The following IL1RAPL2 variants were observed in gnomAD, a reference collection of about 807,000 sequenced individuals.
The protein encoded by IL1RAPL2 is interleukin 1 receptor accessory protein like 2, also known as X-linked interleukin-1 receptor accessory protein-like 2.
Under a neutral mutation model 44.1 loss-of-function variants are expected in IL1RAPL2, and 3 were observed. The observed-to-expected ratio is 0.07, with a 90% confidence interval of 0.03 to 0.18. IL1RAPL2 has a LOEUF of 0.18. IL1RAPL2 is among the 10% of genes least tolerant of loss of function. The probability of loss-of-function intolerance (pLI) is 1.00; values close to 1 mark genes in which losing one functional copy is unlikely to be tolerated. For missense variants in IL1RAPL2, 391 were observed against 496.4 expected, an observed-to-expected ratio of 0.79 and a Z score of 2.02; for synonymous variants, 181 against 178.8, an observed-to-expected ratio of 1.01 and a Z score of -0.10.
chrX:105,661,029 G>A (rs2037716200), intron 6 of IL1RAPL2, among the ~76,000 whole-genome samples: 1 of 110,923 alleles, frequency 9.0e-6, no homozygotes, highest in Non-Finnish European at 1.9e-5. Flanking sequence ...GTGATATATT[G>A]CCTACAAGAA....
At chrX:104,707,329 G>A (rs1327746396) in intron 2 of IL1RAPL2, among the ~76,000 whole-genome samples, 1 of 111,554 alleles carries the variant, frequency 9.0e-6, no homozygotes, top group East Asian at 2.8e-4. Context: ...CTAATTAAAT[G>A]CATTAGGCCC....
chrX:105,082,069 C>T (rs1279511668), intron 2 of IL1RAPL2, among the ~76,000 whole-genome samples: 3 of 111,765 alleles, frequency 2.7e-5, no homozygotes, highest in Non-Finnish European at 5.6e-5. Context: ...CCTCTTTGTA[C>T]TTCTGGTAGA....
intron 5 of IL1RAPL2, among the ~76,000 whole-genome samples, chrX:105,317,447 T>C (rs2034852658): frequency 8.9e-6 from 1 of 112,247 alleles, no homozygotes; most frequent in African/African-American, 3.2e-5. Context: ...ATATTTTATC[T>C]GTATGTCTTG....
At chrX:104,607,072 G>A (rs57265059) in intron 1 of IL1RAPL2, among the ~76,000 whole-genome samples, 18,185 of 110,462 alleles carry the variant, frequency 0.16, 3,743 homozygotes, top group African/African-American at 0.57. Flanking sequence ...CAGAGGCCTC[G>A]GGAACAACAC....
intron 5 of IL1RAPL2, among the ~76,000 whole-genome samples, chrX:105,359,613 T>C (rs1311027801): frequency 9.0e-6 from 1 of 110,929 alleles, no homozygotes; most frequent in African/African-American, 3.3e-5. Flanking sequence ...TGCTACACCA[T>C]GTTCATATGT....
chrX:105,132,959 G>A (rs564369264), intron 2 of IL1RAPL2, among the ~76,000 whole-genome samples: 3 of 111,803 alleles, frequency 2.7e-5, no homozygotes, highest in South Asian at 3.7e-4. Flanking sequence ...TATGTGTAGC[G>A]TTCCTTGCAG....
chrX:104,738,554 G>A (rs1406304512), intron 2 of IL1RAPL2, among the ~76,000 whole-genome samples: 1 of 112,047 alleles, frequency 8.9e-6, no homozygotes, highest in African/African-American at 3.2e-5. Flanking sequence ...AGGAAAAGGA[G>A]TGAATAGAAA....
chrX:104,966,275 A>G (rs1439092969), intron 2 of IL1RAPL2, among the ~76,000 whole-genome samples: 1 of 111,732 alleles, frequency 8.9e-6, no homozygotes, highest in Non-Finnish European at 1.9e-5. Context: ...ATATAAATGG[A>G]CTAATGTGAC....
intron 2 of IL1RAPL2, among the ~76,000 whole-genome samples, chrX:104,868,009 G>T (rs1301008348): frequency 9.0e-6 from 1 of 111,635 alleles, no homozygotes; most frequent in African/African-American, 3.3e-5. Flanking sequence ...AGTCTTTATT[G>T]TAAAGGCACT....
intron 2 of IL1RAPL2, among the ~76,000 whole-genome samples, chrX:104,761,875 CCTTCTCCTTCTCCTT>C (rs1932441963): frequency 2.0e-5 from 1 of 49,364 alleles, no homozygotes; most frequent in Non-Finnish European, 3.2e-5. Context: ...TTCTCCTTCT[CCTTCTCCTTCTCCTT>C]CTCCTTCTCC....
chrX:104,755,159 T>C (rs1310970439), intron 2 of IL1RAPL2, among the ~76,000 whole-genome samples: 7 of 111,593 alleles, frequency 6.3e-5, no homozygotes, highest in Non-Finnish European at 1.3e-4. Flanking sequence ...ATACTCACGG[T>C]ATCTTGTAAT....
intron 2 of IL1RAPL2, among the ~76,000 whole-genome samples, chrX:104,952,672 T>A (rs1925616040): frequency 9.0e-6 from 1 of 111,135 alleles, no homozygotes; most frequent in Admixed American, 9.6e-5. Flanking sequence ...AAGATAGGTG[T>A]TTTTCATATC....
chrX:105,212,575 G>C lies in IL1RAPL2; in HGVS notation c.356+16827G>C, dbSNP rs1327087103. ...TGTTCCTGCCTGCCTGCTCTGAAGA[G>C]AGCAGCTGATCCTGACAAGAGGGAC... is the stretch of plus-strand genomic sequence containing the variant. On this transcript the variant is annotated intron_variant, in intron 3 of 10. Transcript: ENST00000372582. 6.2e-5 allele frequency among the ~76,000 whole-genome samples: 7 copies of C among 112,102 alleles called. 1 individual carries two copies. The South Asian group carries it at 1.1e-3, about 18-fold the overall frequency.
intron 2 of IL1RAPL2, among the ~76,000 whole-genome samples, chrX:104,799,586 T>C (rs1932872333): frequency 8.9e-6 from 1 of 112,327 alleles, no homozygotes; most frequent in South Asian, 3.7e-4. Flanking sequence ...AAACTGGTTT[T>C]CTCTTGAGCA....
At chrX:105,140,640 A>G (rs1569391142) in intron 2 of IL1RAPL2, among the ~76,000 whole-genome samples, 1 of 112,703 alleles carries the variant, frequency 8.9e-6, no homozygotes, top group East Asian at 2.8e-4. Context: ...GTGCAAATGA[A>G]TATGCAAATG....
intron 2 of IL1RAPL2, among the ~76,000 whole-genome samples, chrX:104,879,217 A>G (rs767984979): frequency 6.3e-5 from 7 of 110,454 alleles, no homozygotes; most frequent in Non-Finnish European, 1.3e-4. Flanking sequence ...AGAATGGGGC[A>G]TTGCCCTAAG....
intron 6 of IL1RAPL2, among the ~76,000 whole-genome samples, chrX:105,683,107 T>C (rs189288942): frequency 7.1e-5 from 8 of 112,235 alleles, no homozygotes; most frequent in African/African-American, 9.7e-5. Flanking sequence ...ACATAAACCA[T>C]AGAATCTTAT....
chrX:105,723,281 C>A (rs2038321710), intron 7 of IL1RAPL2, among the ~76,000 whole-genome samples: 2 of 111,553 alleles, frequency 1.8e-5, no homozygotes, highest in Admixed American at 1.9e-4. Context: ...ACGTGTTTCT[C>A]ATGTAAGTCT....
chrX:105,209,313 G>A (rs1257200648), intron 3 of IL1RAPL2, among the ~76,000 whole-genome samples: 1 of 111,826 alleles, frequency 8.9e-6, no homozygotes, highest in Non-Finnish European at 1.9e-5. Flanking sequence ...TTAGAGACAG[G>A]TATAGCCAAG....
Sources: allele counts gnomAD v4.1 joint callset (sites outside exome capture counted in the v4.1 genomes callset), GRCh38; gene constraint gnomAD v4.1.1; transcripts MANE v1.5; gene names NCBI Gene and HGNC (gene_info 2026-07-23, HGNC 2026-07-21).